ATAD2: variants seen among roughly 807,000 people sequenced by gnomAD.
ATAD2 encodes the protein ATPase family AAA domain containing 2, also known as ATPase family AAA domain-containing protein 2.
ATAD2 carries 62 observed loss-of-function variants against 168.9 expected under a neutral mutation model. That is an observed-to-expected ratio of 0.37 (90% CI 0.30 to 0.45). The LOEUF is 0.45. ATAD2 is among the 20% of genes least tolerant of loss of function. ATAD2 has a pLI of 1.00. For missense variants in ATAD2, 1,419 were observed against 1,667.8 expected, an observed-to-expected ratio of 0.85 and a Z score of 2.60; for synonymous variants, 613 against 571.6, an observed-to-expected ratio of 1.07 and a Z score of -1.03.
intron 22 of ATAD2, among the ~76,000 whole-genome samples, chr8:123,335,247 C>T (rs1025740004): frequency 6.6e-6 from 1 of 152,186 alleles, no homozygotes; most frequent in African/African-American, 2.4e-5. Flanking sequence ...AGCCCTCTGC[C>T]TCCAGGGTAC....
intron 1 of ATAD2, among the ~76,000 whole-genome samples, chr8:123,411,075 A>AGGCTTGCCACCATCTTGGAAGC (rs537412603): frequency 8.5e-5 from 13 of 152,160 alleles, no homozygotes; most frequent in Non-Finnish European, 1.3e-4. Flanking sequence ...AGAGAACAGG[A>AGGCTTGCCACCATCTTGGAAGC]GGCTTGCCAC....
chr8:123,346,621 T>C lies in ATAD2; in HGVS notation c.2342A>G (p.Asn781Ser). 6.4e-7 allele frequency: 1 copy of C among 1,556,050 alleles called. No individual in the cohort carries two copies. The highest frequency in any genetic ancestry group is 8.7e-7 in the Non-Finnish European group (1 of 1,151,640). ...AKDNFNFLHL[N>S]RNACYQPMSF... ...TTGATTTGCAAGAAAAATATACCTA[T>C]TCAAATGAAGAAAATTAAAATTGTC... Residue 781 changes from asparagine to serine, a missense_variant, in exon 17 of 28, where the codon AAT becomes AGT. By Grantham distance (46) the Asn-to-Ser change is conservative (BLOSUM62 1). This residue lies in a region of ATAD2 where 545 missense variants were observed against 724.9 expected (regional missense o/e 0.75). Coordinates refer to ENST00000287394, the MANE Select transcript of ATAD2 (RefSeq NM_014109.4).
At chr8:123,398,226 C>CTTTTTTT (rs1188897965), upstream of ATAD2, among the ~76,000 whole-genome samples, 123 of 101,748 alleles carry the variant, frequency 1.2e-3, no homozygotes, top group African/African-American at 1.9e-3. Flanking sequence ...GGTTCTTGTT[C>CTTTTTTT]TTTTTTTTTT....
chr8:123,372,486 G>A (rs1415415566), intron 3 of ATAD2, 151 bp downstream of exon 3: 2 of 571,390 alleles, frequency 3.5e-6, no homozygotes, highest in African/African-American at 3.9e-5. Context: ...CTATCTTATT[G>A]TGGTGATGGC....
At chr8:123,371,169 G>T in intron 5 of ATAD2, 67 bp downstream of exon 5, 1 of 1,279,032 alleles carries the variant, frequency 7.8e-7, no homozygotes, top group East Asian at 2.4e-5. Context: ...AATGAAAAAT[G>T]GATTAGGTAC....
rs922886987 is a variant in ATAD2, at chr8:123,372,962, G to A, written c.321-276C>T. On this transcript the variant is annotated intron_variant, in intron 2 of 27. Transcript: ENST00000287394. ...GGCTGGAGTGCAGTGGCGCGATCTC[G>A]GCTCACTGCAAGCTCCCCCTCCTGG... Among the ~76,000 whole-genome samples, 25 of 150,130 alleles carry A rather than the reference G, an allele frequency of 1.7e-4. No homozygotes were observed. In the East Asian group the frequency reaches 2.2e-3, roughly 13 times the overall value.
At chr8:123,345,624 G>C (rs1320940985) in intron 18 of ATAD2, among the ~76,000 whole-genome samples, 1 of 152,170 alleles carries the variant, frequency 6.6e-6, no homozygotes, top group Non-Finnish European at 1.5e-5. Context: ...GGAGGTTGCA[G>C]GGAGCCAGGA....
At chr8:123,339,652 G>GTATA (rs1828012037) in intron 19 of ATAD2, among the ~76,000 whole-genome samples, 1 of 152,040 alleles carries the variant, frequency 6.6e-6, no homozygotes, top group Admixed American at 6.6e-5. Context: ...TATGTATGCA[G>GTATA]TATATATACA....
intron 19 of ATAD2, among the ~76,000 whole-genome samples, chr8:123,343,375 T>C (rs1242203903): frequency 6.6e-6 from 1 of 152,136 alleles, no homozygotes; most frequent in Non-Finnish European, 1.5e-5. Flanking sequence ...TCCACAATAA[T>C]AGTTAGTATT....
chr8:123,341,833 T>G (rs1319110666), intron 19 of ATAD2, among the ~76,000 whole-genome samples: 1 of 152,138 alleles, frequency 6.6e-6, no homozygotes, highest in Non-Finnish European at 1.5e-5. Flanking sequence ...GGCTACATGA[T>G]GAAAATAAGA....
rs548038592 is a variant in ATAD2 at position 123,350,676 on chromosome 8, C to G, written c.1647-1232G>C. ...CCTGATAGGGTCATTTAAGTTGTCC[C>G]CCTCTATCTTTCACATTTCCTGGAA... On this transcript the variant is annotated intron_variant, in intron 13 of 27. Transcript: ENST00000287394. Among the ~76,000 whole-genome samples the G allele has an allele frequency of 2.6e-5, 4 of 152,210 alleles. No homozygotes were observed. In the South Asian group the frequency reaches 8.3e-4, roughly 32 times the overall value.
chr8:123,338,830 T>G (rs1827988763), intron 20 of ATAD2, among the ~76,000 whole-genome samples: 2 of 152,082 alleles, frequency 1.3e-5, no homozygotes, highest in South Asian at 4.1e-4. Context: ...CCCAGGAGGT[T>G]GAGGCTGCAG....
intron 1 of ATAD2, among the ~76,000 whole-genome samples, chr8:123,390,548 C>T (rs1478974957): frequency 6.6e-6 from 1 of 152,174 alleles, no homozygotes; most frequent in African/African-American, 2.4e-5. Context: ...AAGCTATATA[C>T]TTTTCATGTT....
rs552833163 is a variant in ATAD2, at chr8:123,343,993, T to G, written c.2718+891A>C. On this transcript the variant is annotated intron_variant, in intron 19 of 27. Coordinates refer to ENST00000287394, the MANE Select transcript of ATAD2 (RefSeq NM_014109.4). ...GCAGTTGTCTAAATTGGCACAAACT[T>G]GAATGAGTAATTTAATATTGTTAAA... Among the ~76,000 whole-genome samples, 3 of 152,322 alleles carry G rather than the reference T, an allele frequency of 2.0e-5. No individual in the cohort carries two copies. In the East Asian group the frequency reaches 5.8e-4, roughly 29 times the overall value.
intron 19 of ATAD2, among the ~76,000 whole-genome samples, chr8:123,343,401 C>T (rs891269506): frequency 6.6e-6 from 1 of 152,108 alleles, no homozygotes. Context: ...ATTTTTAAAA[C>T]TTCTCTCCCC....
intron 2 of ATAD2, among the ~76,000 whole-genome samples, chr8:123,377,446 T>C (rs1829352213): frequency 6.6e-6 from 1 of 152,188 alleles, no homozygotes; most frequent in African/African-American, 2.4e-5. Context: ...TTGAATAATG[T>C]ACAGATCCTT....
upstream of ATAD2, chr8:123,401,015 C>T: frequency 6.5e-7 from 1 of 1,532,932 alleles, no homozygotes; most frequent in Non-Finnish European, 9.0e-7. Context: ...ATCACTGAGA[C>T]AGGCACCATG....
At chr8:123,393,133 C>T (rs1203104037) in intron 1 of ATAD2, among the ~76,000 whole-genome samples, 2 of 148,116 alleles carry the variant, frequency 1.4e-5, no homozygotes, top group Admixed American at 6.8e-5. Flanking sequence ...TGCAGTGAGC[C>T]GAGATTGGGC....
chr8:123,347,218 A>G lies in ATAD2; in HGVS notation c.2086T>C (p.Ser696Pro), dbSNP rs1157245543. 6 of 1,614,040 alleles carry G rather than the reference A, an allele frequency of 3.7e-6. No individual in the cohort carries two copies. The highest frequency in any genetic ancestry group is 5.1e-6 in the Non-Finnish European group (6 of 1,180,036). The change falls in exon 16 of 28, where the codon TCA (serine) becomes CCA (proline). Residue 696 changes from serine to proline, a missense_variant. Ser to Pro is a moderately conservative substitution (Grantham distance 74). This residue lies in a region of ATAD2 where 545 missense variants were observed against 724.9 expected (regional missense o/e 0.75). Transcript: ENST00000287394. ...ACGGTGGACAGTGCCTGCCCAGGTG[A>G]TGTCACAGCTCTTTGGGAGGCTGGT... ...MIPASQRAVT[S>P]PGQALSTVVK...
Sources: gnomAD v4.1 joint callset for allele counts (sites outside exome capture counted in the v4.1 genomes callset) on GRCh38, gnomAD v4.1.1 for gene constraint, gnomAD v4.1.1 regional missense constraint, MANE v1.5 for transcripts, NCBI Gene and HGNC (gene_info 2026-07-23, HGNC 2026-07-21) for gene names.